The following PMP22 variants were observed in gnomAD, a reference collection of about 807,000 sequenced individuals.
PMP22 encodes Charcot-Marie-Tooth neuropathy 1A (greatly reduced nerve conduction velocity, hereditary motor sensory neuropathy Ia).
PMP22 carries 2 observed loss-of-function variants against 18.9 expected under a neutral mutation model. That is an observed-to-expected ratio of 0.11 (90% CI 0.04 to 0.33). PMP22 has a LOEUF of 0.33. PMP22 is among the 10% of genes least tolerant of loss of function. The pLI is 1.00. For missense variants in PMP22, 169 were observed against 202.2 expected (o/e 0.84, Z 1.00); for synonymous variants, 95 against 89.2 (o/e 1.07, Z -0.37).
chr17:15,230,961 G>A lies in PMP22; in HGVS notation c.439C>T (p.Leu147Phe). The change falls in exon 5 of 5, where the codon CTT becomes TTT. Residue 147 changes from leucine to phenylalanine, a missense_variant. By Grantham distance (22) the Leu-to-Phe change is conservative. Transcript: ENST00000312280. Reference protein sequence around the residue: ...ILAWVAFPLALLSGVIYVILR... With the variant: ...ILAWVAFPLAFLSGVIYVILR... ...ATCACATAGATGACACCGCTGAGAA[G>A]GGCCAGGGGGAAGGCCACCCAGGCC... is the stretch of plus-strand genomic sequence containing the variant. The A allele has an allele frequency of 6.2e-7, 1 of 1,614,192 alleles. No individual in the cohort carries two copies.
chr17:15,236,736 A>T (rs545545871), intron 4 of PMP22, among the ~76,000 whole-genome samples: 3 of 152,286 alleles, frequency 2.0e-5, no homozygotes, highest in Non-Finnish European at 4.4e-5. Flanking sequence ...CACATGACAA[A>T]ATTGACTTAG....
intron 3 of PMP22, among the ~76,000 whole-genome samples, chr17:15,243,680 A>G (rs1045897627): frequency 1.3e-5 from 2 of 148,182 alleles, no homozygotes; most frequent in African/African-American, 4.9e-5. Context: ...GAACTATGAT[A>G]TATACAATAT....
rs1050861677 is a variant in PMP22 at position 15,229,996 on chromosome 17, G to A, written c.*921C>T. 1 of 152,640 alleles carries A rather than the reference G, an allele frequency of 6.6e-6. No individual in the cohort carries two copies. Among genetic ancestry groups the A allele is most frequent in the Non-Finnish European group, 1.5e-5 (1 of 68,058 alleles). The allele number at this position is 152,640 out of a possible 1,614,324, so 9.5% of individuals were successfully genotyped here. A position where few individuals can be genotyped will look rare whatever the true frequency, so the allele number is the denominator to read the frequency against. On this transcript the variant is annotated 3_prime_UTR_variant, in exon 5 of 5. Transcript: ENST00000312280. ...AGCTCTAGGAACTCACGGTCCCAAGGAGTCTAGACGCTTGTTCTGATGCTC... is the reference window on the plus strand; with the variant it reads ...AGCTCTAGGAACTCACGGTCCCAAGAAGTCTAGACGCTTGTTCTGATGCTC...
chr17:15,235,158 T>C, intron 4 of PMP22: 1 of 715,800 alleles, frequency 1.4e-6, no homozygotes, highest in Non-Finnish European at 2.6e-6. Flanking sequence ...GCTATATTGA[T>C]CTTTCTATTA....
rs1237029659 is a variant in PMP22 at position 15,258,844 on chromosome 17, A to C, written c.178+250T>G. 1 of 550,222 alleles carries C rather than the reference A, an allele frequency of 1.8e-6. No individual in the cohort carries two copies. The highest frequency in any genetic ancestry group is 3.3e-6 in the Non-Finnish European group (1 of 304,628). The allele number at this position is 550,222 out of a possible 1,614,324, so 34.1% of individuals were successfully genotyped here. A position where few individuals can be genotyped will look rare whatever the true frequency, so the allele number is the denominator to read the frequency against. ...TTCAATCACAAAAAGCATTATCCTA[A>C]GTGATCAGGAGGGCACTAAGGGCAT... On this transcript the variant is annotated intron_variant, in intron 3 of 4. Coordinates refer to ENST00000312280, the MANE Select transcript of PMP22 (RefSeq NM_000304.4). This position sits in a 1 kb window ranked among gnomAD's most constrained non-coding sequence, Gnocchi z 4.1.
intron 3 of PMP22, 80 bp from the exon 4 acceptor site, chr17:15,239,691 G>T: frequency 6.9e-7 from 1 of 1,443,312 alleles, no homozygotes; most frequent in Non-Finnish European, 9.7e-7. Flanking sequence ...GGCCTGAAGG[G>T]CCATGACTGC....
intron 4 of PMP22, among the ~76,000 whole-genome samples, chr17:15,233,790 G>A (rs765306009): frequency 1.3e-5 from 2 of 152,200 alleles, no homozygotes; most frequent in Non-Finnish European, 2.9e-5. Context: ...GAGAGGGAAG[G>A]AAATGCACCA....
intron 3 of PMP22, among the ~76,000 whole-genome samples, chr17:15,242,268 AAAAAAAAG>A (rs1294539107): frequency 4.5e-4 from 68 of 151,016 alleles, no homozygotes; most frequent in Admixed American, 9.9e-4. Flanking sequence ...AAAAAAAAAA[AAAAAAAAG>A]AGAGACATTG....
Position 15,258,800 on chromosome 17 carries a change from C to T in PMP22, c.178+294G>A. 1 of 436,364 alleles carries T rather than the reference C, an allele frequency of 2.3e-6. No homozygotes were observed. Among genetic ancestry groups the T allele is most frequent in the Non-Finnish European group, 4.3e-6 (1 of 232,956 alleles). The allele number at this position is 436,364 out of a possible 1,614,324, so 27.0% of individuals were successfully genotyped here. A position where few individuals can be genotyped will look rare whatever the true frequency, so the allele number is the denominator to read the frequency against. Reference sequence around the variant, plus strand: ...CTTAGCTATCATACCACCTTCACAGCTCCCAGGTCGATATTTTTTTCAATC... The same window carrying T: ...CTTAGCTATCATACCACCTTCACAGTTCCCAGGTCGATATTTTTTTCAATC... On this transcript the variant is annotated intron_variant, in intron 3 of 4. Transcript: ENST00000312280. The surrounding 1 kb of genome is among the most constrained non-coding windows in gnomAD (Gnocchi z 4.1).
intron 3 of PMP22, among the ~76,000 whole-genome samples, chr17:15,254,810 T>C (rs1908687097): frequency 6.6e-6 from 1 of 151,996 alleles, no homozygotes; most frequent in African/African-American, 2.4e-5. Context: ...ATACAAAAAA[T>C]TAGCCAAGCG....
In PMP22 at chr17:15,234,529, G is replaced by C. The variant is rs1185399716; in HGVS notation, c.320-3449C>G. On this transcript the variant is annotated intron_variant, in intron 4 of 4. Coordinates refer to ENST00000312280, the MANE Select transcript of PMP22 (RefSeq NM_000304.4). Reference sequence around the variant, plus strand: ...CCCACTTCATCCTCAGGGCAACAAGGGAGGGCAGGAAGGGGCTGTGAGGCC... The same window carrying C: ...CCCACTTCATCCTCAGGGCAACAAGCGAGGGCAGGAAGGGGCTGTGAGGCC... Among the ~76,000 whole-genome samples, 3 of 152,130 alleles carry C rather than the reference G, an allele frequency of 2.0e-5. No homozygotes were observed. The East Asian group carries it at 5.8e-4, about 29-fold the overall frequency.
rs1240848602 is a variant in PMP22, at chr17:15,261,885, T to C, written c.-34-1124A>G. ...ACTCTGGGGACCATTTTAGGCAGAG[T>C]CTTGGGCCAGGGAGACAACGTTTCA... On this transcript the variant is annotated intron_variant, in intron 1 of 4. Transcript: ENST00000312280. This position sits in a 1 kb window ranked among gnomAD's most constrained non-coding sequence, Gnocchi z 5.2. The C allele has an allele frequency of 6.6e-6, 1 of 152,142 alleles. No homozygotes were observed. Among genetic ancestry groups the C allele is most frequent in the Non-Finnish European group, 1.5e-5 (1 of 68,014 alleles). The allele number at this position is 152,142 out of a possible 1,614,324, so 9.4% of individuals were successfully genotyped here.
chr17:15,262,094 T>C (rs1909389473), intron 1 of PMP22, among the ~76,000 whole-genome samples: 1 of 152,306 alleles, frequency 6.6e-6, no homozygotes, highest in Non-Finnish European at 1.5e-5. Context: ...TCCAACACTC[T>C]CGGGATGTCC....
At chr17:15,235,325 T>C (rs1447372457) in intron 4 of PMP22, 5 of 717,304 alleles carry the variant, frequency 7.0e-6, no homozygotes, top group African/African-American at 1.7e-5. Context: ...CAACCAATAA[T>C]AGTTTTATTC....
At position 15,260,734 on chromosome 17, in the gene PMP22, G is replaced by C; in HGVS notation, c.-7C>G. 1 of 1,551,750 alleles carries C rather than the reference G, an allele frequency of 6.4e-7. No individual in the cohort carries two copies. Among genetic ancestry groups the C allele is most frequent in the Non-Finnish European group, 8.7e-7 (1 of 1,146,820 alleles). On this transcript the variant is annotated 5_prime_UTR_variant, in exon 2 of 5. Transcript: ENST00000312280. ...TCAGCAACAGGAGGAGCATTCTGGC[G>C]GCAAGTTCTGCTCAGCGGAGTTTCT...
Position 15,260,922 on chromosome 17 carries a change from G to T in PMP22, c.-34-161C>A, listed in dbSNP as rs1909284811. The T allele has an allele frequency of 9.5e-6, 4 of 420,292 alleles. No homozygotes were observed. The Admixed American group carries it at 1.9e-4, about 20-fold the overall frequency. 26.0% of individuals were successfully genotyped at this position (420,292 alleles called of 1,614,324 possible). A position where few individuals can be genotyped will look rare whatever the true frequency, so the allele number is the denominator to read the frequency against. ...AGGAGCCTTCGCGCCGCCTGCCGCC[G>T]AGAGGGGGCAGCAGCCGCCTGCAGG... On this transcript the variant is annotated intron_variant, in intron 1 of 4. Coordinates refer to ENST00000312280, the MANE Select transcript of PMP22 (RefSeq NM_000304.4).
chr17:15,243,055 T>C (rs1246251433), intron 3 of PMP22, among the ~76,000 whole-genome samples: 2 of 152,108 alleles, frequency 1.3e-5, no homozygotes, highest in African/African-American at 4.8e-5. Flanking sequence ...GGACAATGTA[T>C]ACACTTCTAA....
chr17:15,248,239 A>T (rs765225292), intron 3 of PMP22, among the ~76,000 whole-genome samples: 19 of 152,156 alleles, frequency 1.2e-4, no homozygotes, highest in Non-Finnish European at 2.6e-4. Flanking sequence ...GGAGACAACT[A>T]TGTGCCAGCA....
intron 1 of PMP22, among the ~76,000 whole-genome samples, chr17:15,263,287 C>T (rs1469549130): frequency 6.6e-6 from 1 of 152,088 alleles, no homozygotes; most frequent in Non-Finnish European, 1.5e-5. Flanking sequence ...CTGCAGCAGT[C>T]GGGCTTGGCT....
Sources: gnomAD v4.1 joint callset for allele counts (sites outside exome capture counted in the v4.1 genomes callset) on GRCh38, gnomAD v4.1.1 for gene constraint, Gnocchi (gnomAD v3.1) non-coding constraint, MANE v1.5 for transcripts, NCBI Gene and HGNC (gene_info 2026-07-23, HGNC 2026-07-21) for gene names.